The following UBE4A variants were observed in gnomAD, a reference collection of about 807,000 sequenced individuals.
The protein encoded by UBE4A is ubiquitin conjugation factor E4 A.
A neutral mutation model predicts 117.9 loss-of-function variants in UBE4A; 48 were observed. The observed-to-expected ratio is 0.41, with a 90% confidence interval of 0.32 to 0.52. The LOEUF is 0.52. UBE4A is among the 20% of genes least tolerant of loss of function. UBE4A has a pLI of 0.33. For missense variants in UBE4A, 1,067 were observed against 1,296.3 expected (o/e 0.82, Z 2.72); for synonymous variants, 407 against 450.0 (o/e 0.90, Z 1.21).
chr11:118,384,287 GC>G (rs1468559853), intron 13 of UBE4A, among the ~76,000 whole-genome samples: 1 of 152,200 alleles, frequency 6.6e-6, no homozygotes, highest in African/African-American at 2.4e-5. Flanking sequence ...CCTGCACATG[GC>G]TTTCACTGCC....
At chr11:118,377,533 A>ATTAAATTTTAAATTTTGAC (rs1948663615) in intron 10 of UBE4A, among the ~76,000 whole-genome samples, 1 of 152,074 alleles carries the variant, frequency 6.6e-6, no homozygotes, top group African/African-American at 2.4e-5. Context: ...GACCTGTTAA[A>ATTAAATTTTAAATTTTGAC]CTTTAAAAAT....
At chr11:118,394,675 G>A (rs782151291) in intron 19 of UBE4A, among the ~76,000 whole-genome samples, 4 of 151,740 alleles carry the variant, frequency 2.6e-5, no homozygotes, top group Non-Finnish European at 5.9e-5. Flanking sequence ...TTGGGAGGCT[G>A]AGGCAGGAGA....
At chr11:118,392,925 G>GCA in intron 19 of UBE4A, 30 bp downstream of exon 19, 1 of 1,605,282 alleles carries the variant, frequency 6.2e-7, no homozygotes, top group Non-Finnish European at 8.5e-7. Context: ...AGACTCAAGA[G>GCA]CATATATATA....
intron 1 of UBE4A, among the ~76,000 whole-genome samples, chr11:118,362,701 T>G (rs186439220): frequency 5.5e-4 from 84 of 152,358 alleles, no homozygotes; most frequent in Admixed American, 3.3e-3. Context: ...GGTGTAAAGA[T>G]GGCAACTCTA....
At chr11:118,371,826 G>C (rs1004944921) in intron 5 of UBE4A, among the ~76,000 whole-genome samples, 160 bp downstream of exon 5, 1 of 152,146 alleles carries the variant, frequency 6.6e-6, no homozygotes, top group Non-Finnish European at 1.5e-5. Flanking sequence ...ATTTATATAT[G>C]TCATAGTATG....
intron 17 of UBE4A, 89 bp from the exon 18 acceptor site, chr11:118,390,568 G>A: frequency 9.2e-7 from 1 of 1,088,574 alleles, no homozygotes; most frequent in Non-Finnish European, 1.2e-6. Flanking sequence ...CTTTTAAGTG[G>A]TGAGAATGCT....
In UBE4A at chr11:118,398,550, TG is replaced by T. The variant is rs1188048527; in HGVS notation, c.*2112del. Reference sequence around the variant, plus strand: ...AAAATTAGACTTTAAAAAGTTATCTTGGTACAACACCGTGTGTATATACACT... The same window carrying T: ...AAAATTAGACTTTAAAAAGTTATCTTGTACAACACCGTGTGTATATACACT... On this transcript the variant is annotated 3_prime_UTR_variant, in exon 20 of 20. Coordinates refer to ENST00000252108, the MANE Select transcript of UBE4A (RefSeq NM_001204077.2). 1.3e-5 allele frequency: 2 copies of T among 152,622 alleles called. No homozygotes were observed. The highest frequency in any genetic ancestry group is 4.8e-5 in the African/African-American group (2 of 41,456). The allele number at this position is 152,622 out of a possible 1,614,324, so 9.5% of individuals were successfully genotyped here.
rs5795126 is a variant in UBE4A at position 118,396,547 on chromosome 11, C to CTTTTTTTTTTTTTTTTTTT, written c.*125_*126insTTTTTTTTTTTTTTTTTTT. 3.7e-6 allele frequency: 3 copies of CTTTTTTTTTTTTTTTTTTT among 817,896 alleles called. No homozygotes were observed. The highest frequency in any genetic ancestry group is 4.9e-6 in the Non-Finnish European group (3 of 609,552). The allele number at this position is 817,896 out of a possible 1,614,324, so 50.7% of individuals were successfully genotyped here. The stretch of plus-strand genomic sequence containing the variant: ...TCCTTTTCTTTCTTCTTTTCTTTTT[C>CTTTTTTTTTTTTTTTTTTT]TTTTTTTTTTTTTTTTTTACTAAAT... On this transcript the variant is annotated 3_prime_UTR_variant, in exon 20 of 20. Transcript: ENST00000252108.
At chr11:118,382,891 T>A in intron 13 of UBE4A, 115 bp downstream of exon 13, 1 of 955,828 alleles carries the variant, frequency 1.0e-6, no homozygotes, top group Non-Finnish European at 1.4e-6. Context: ...ATTGAATACC[T>A]ACTATATGCC....
At position 118,384,961 on chromosome 11, in the gene UBE4A, A is replaced by AT. The variant is rs528430677; in HGVS notation, c.2412+16_2412+17insT. The AT allele has an allele frequency of 1.2e-3, 1,948 of 1,565,868 alleles. 1 individual carries two copies. The highest frequency in any genetic ancestry group is 0.011 in the Middle Eastern group (66 of 5,852). ...AGCCATACAGGTAAAAAAAAAAAAA[A>AT]AAAAAAAGATTTAACTTCTCCATAC... is the stretch of plus-strand genomic sequence containing the variant. On this transcript the variant is annotated intron_variant, in intron 15 of 19. Coordinates refer to ENST00000252108, the MANE Select transcript of UBE4A (RefSeq NM_001204077.2).
intron 15 of UBE4A, among the ~76,000 whole-genome samples, chr11:118,385,565 TAACC>T (rs1555127061): frequency 6.6e-6 from 1 of 152,206 alleles, no homozygotes; most frequent in Non-Finnish European, 1.5e-5. Flanking sequence ...ATTATTTCCT[TAACC>T]TTCCCTGGTG....
intron 8 of UBE4A, 81 bp downstream of exon 8, chr11:118,373,766 A>C: frequency 1.0e-4 from 147 of 1,448,662 alleles, no homozygotes; most frequent in Non-Finnish European, 1.2e-4. Context: ...AAGGCTGCTC[A>C]AGCCTCTCTG....
intron 9 of UBE4A, 67 bp downstream of exon 9, chr11:118,375,296 C>A: frequency 2.2e-6 from 3 of 1,355,820 alleles, no homozygotes; most frequent in East Asian, 2.6e-5. Flanking sequence ...GCATTCACTC[C>A]CTTATCCTTT....
chr11:118,367,565 G>A (rs957516854), intron 2 of UBE4A, among the ~76,000 whole-genome samples: 8 of 149,570 alleles, frequency 5.3e-5, no homozygotes, highest in East Asian at 2.0e-4. Context: ...CTGTCACCGA[G>A]GCTGGAGTGC....
intron 4 of UBE4A, 79 bp downstream of exon 4, chr11:118,369,614 T>A (rs929521748): frequency 1.9e-6 from 2 of 1,054,494 alleles, no homozygotes; most frequent in East Asian, 2.4e-5. Context: ...GTTCTCCAAC[T>A]TATGCTTGTG....
At chr11:118,372,733 G>T in intron 6 of UBE4A, 67 bp downstream of exon 6, 1 of 1,598,984 alleles carries the variant, frequency 6.3e-7, no homozygotes, top group South Asian at 1.1e-5. Flanking sequence ...TTCACTAATT[G>T]CATTAGAAAG....
chr11:118,390,837 A>G lies in UBE4A; in HGVS notation c.2916+33A>G, dbSNP rs782369089. 3.7e-6 allele frequency: 6 copies of G among 1,603,706 alleles called. No individual in the cohort carries two copies. In the East Asian group the frequency reaches 1.1e-4, roughly 30 times the overall value. On this transcript the variant is annotated intron_variant, in intron 18 of 19. Coordinates refer to ENST00000252108, the MANE Select transcript of UBE4A (RefSeq NM_001204077.2). The stretch of plus-strand genomic sequence containing the variant: ...AGAGGAGGAATTGTTTGCTGATTTC[A>G]TTAAGAACCACGTTGTCAGCCAGGC...
chr11:118,396,858 G>T lies in UBE4A; in HGVS notation c.*418G>T, dbSNP rs1221156691. 1.1e-5 allele frequency: 2 copies of T among 175,480 alleles called. No homozygotes were observed. Among genetic ancestry groups the T allele is most frequent in the Non-Finnish European group, 2.3e-5 (2 of 85,142 alleles). 10.9% of individuals were successfully genotyped at this position (175,480 alleles called of 1,614,324 possible). A position where few individuals can be genotyped will look rare whatever the true frequency, so the allele number is the denominator to read the frequency against. ...TAAATATGTGATGTCACATATTTCA[G>T]TGACAGCTGATGTTATCAGAAAAAT... On this transcript the variant is annotated 3_prime_UTR_variant, in exon 20 of 20. Transcript: ENST00000252108.
At chr11:118,361,874 T>C (rs532825816) in intron 1 of UBE4A, among the ~76,000 whole-genome samples, 4 of 152,320 alleles carry the variant, frequency 2.6e-5, no homozygotes, top group African/African-American at 9.6e-5. Flanking sequence ...GATTTTGTGA[T>C]TGTGATGTAT....
Sources: allele counts gnomAD v4.1 joint callset (sites outside exome capture counted in the v4.1 genomes callset), GRCh38; gene constraint gnomAD v4.1.1; transcripts MANE v1.5; gene names NCBI Gene and HGNC (gene_info 2026-07-23, HGNC 2026-07-21).